SLC25A26: variants seen among roughly 807,000 people sequenced by gnomAD.
SLC25A26 encodes the protein mitochondrial S-adenosylmethionine carrier protein.
A neutral mutation model predicts 37.8 loss-of-function variants in SLC25A26; 36 were observed. That is an observed-to-expected ratio of 0.95 (90% CI 0.73 to 1.26). The LOEUF (loss-of-function observed/expected upper bound fraction) is 1.26, where lower values mean the gene tolerates loss of function less well. SLC25A26 is among the 50% of genes most tolerant of loss of function. The pLI is 0.00. For missense variants in SLC25A26, 390 were observed against 331.1 expected (o/e 1.18, Z -1.38); for synonymous variants, 129 against 122.5 (o/e 1.05, Z -0.35).
chr3:66,194,244 T>C (rs1332721991), intron 1 of SLC25A26, among the ~76,000 whole-genome samples: 4 of 152,180 alleles, frequency 2.6e-5, no homozygotes, highest in African/African-American at 9.7e-5. Flanking sequence ...GTTTTGCTCA[T>C]TGTGTATTTA....
intron 5 of SLC25A26, chr3:66,304,483 G>A (rs1362057755): frequency 2.2e-6 from 1 of 455,884 alleles, no homozygotes; most frequent in South Asian, 1.5e-5. Context: ...GTGTGGGGAG[G>A]CTTGTGAGCT....
intron 5 of SLC25A26, among the ~76,000 whole-genome samples, chr3:66,339,765 T>C (rs1383443436): frequency 1.3e-5 from 2 of 152,160 alleles, no homozygotes; most frequent in Non-Finnish European, 2.9e-5. Flanking sequence ...ATTAACCCCT[T>C]ATCAGATACA....
chr3:66,250,859 A>G (rs2073057211), intron 3 of SLC25A26, among the ~76,000 whole-genome samples: 6 of 152,206 alleles, frequency 3.9e-5, no homozygotes, highest in Non-Finnish European at 8.8e-5. Flanking sequence ...TATTTAAGGT[A>G]TCAACACAAT....
At chr3:66,359,908 A>G in intron 6 of SLC25A26, among the ~76,000 whole-genome samples, 1 of 152,208 alleles carries the variant, frequency 6.6e-6, no homozygotes, top group South Asian at 2.1e-4. Context: ...ATAAATACCT[A>G]TTTGATAGCT....
chr3:66,290,377 A>G (rs2074664384), intron 5 of SLC25A26, among the ~76,000 whole-genome samples: 1 of 152,198 alleles, frequency 6.6e-6, no homozygotes. Context: ...GAGAGAGGGC[A>G]TCTTTGTCTT....
intron 9 of SLC25A26, among the ~76,000 whole-genome samples, chr3:66,371,822 G>C (rs7618284): frequency 0.38 from 57,519 of 152,022 alleles, 11,545 homozygotes; most frequent in East Asian, 0.65. Context: ...TAGGGGCCGG[G>C]TGCGGGGCTC....
intron 1 of SLC25A26, among the ~76,000 whole-genome samples, chr3:66,196,457 A>C (rs1278362876): frequency 2.0e-5 from 3 of 152,194 alleles, no homozygotes; most frequent in Non-Finnish European, 2.9e-5. Context: ...GGCGTCAGAA[A>C]GTACCTGTTA....
At chr3:66,336,242 C>T (rs2076090425) in intron 5 of SLC25A26, among the ~76,000 whole-genome samples, 1 of 152,116 alleles carries the variant, frequency 6.6e-6, no homozygotes, top group African/African-American at 2.4e-5. Flanking sequence ...TTAACAAGGA[C>T]ATTTGATAGA....
At chr3:66,136,672 C>T (rs892787006) in intron 1 of SLC25A26, among the ~76,000 whole-genome samples, 1 of 152,294 alleles carries the variant, frequency 6.6e-6, no homozygotes, top group African/African-American at 2.4e-5. Flanking sequence ...GGCTTTCAGC[C>T]GCTAGGTTTC....
chr3:66,143,675 G>C (rs543529521), intron 1 of SLC25A26, among the ~76,000 whole-genome samples: 2 of 152,252 alleles, frequency 1.3e-5, no homozygotes, highest in African/African-American at 4.8e-5. Context: ...CTTGAGACCA[G>C]GAGTTCGAGA....
chr3:66,377,053 T>C (rs766781125), intron 9 of SLC25A26, among the ~76,000 whole-genome samples: 1 of 152,048 alleles, frequency 6.6e-6, no homozygotes, highest in Admixed American at 6.5e-5. Context: ...TGAGTAGGTA[T>C]GGGGAGGGGG....
chr3:66,321,292 CT>C (rs2075687056), intron 5 of SLC25A26, among the ~76,000 whole-genome samples: 1 of 152,178 alleles, frequency 6.6e-6, no homozygotes, highest in Non-Finnish European at 1.5e-5. Context: ...TTAAACCGTT[CT>C]CTGTATTTAG....
chr3:66,287,321 C>G (rs1214613473), intron 5 of SLC25A26, among the ~76,000 whole-genome samples: 1 of 151,372 alleles, frequency 6.6e-6, no homozygotes, highest in Non-Finnish European at 1.5e-5. Context: ...AAATCTCAAA[C>G]TGTTTTCTGT....
intron 5 of SLC25A26, among the ~76,000 whole-genome samples, chr3:66,315,569 G>T (rs1406616386): frequency 6.6e-6 from 1 of 152,126 alleles, no homozygotes; most frequent in Non-Finnish European, 1.5e-5. Flanking sequence ...GTGCCATGTG[G>T]CACCGAGAAG....
At chr3:66,283,741 A>G (rs941610844) in intron 5 of SLC25A26, among the ~76,000 whole-genome samples, 1 of 152,214 alleles carries the variant, frequency 6.6e-6, no homozygotes, top group Admixed American at 6.5e-5. Flanking sequence ...TGACTCTTGA[A>G]TCACAAAAGT....
intron 1 of SLC25A26, among the ~76,000 whole-genome samples, chr3:66,184,334 C>T (rs1003672395): frequency 1.3e-5 from 2 of 152,082 alleles, no homozygotes; most frequent in African/African-American, 4.8e-5. Context: ...CCCTTACCCT[C>T]ACCCTGATAT....
Position 66,236,831 on chromosome 3 carries a change from GT to G in SLC25A26, c.190+132del, listed in dbSNP as rs1576680777. On this transcript the variant is annotated intron_variant, in intron 2 of 9. Coordinates refer to ENST00000354883, the MANE Select transcript of SLC25A26 (RefSeq NM_001379210.1). ...TCTGAATTTCCTTCTTTAACCTGGT[GT>G]CATTATTATTTTTTATTTATTTTAG... 3.7e-5 allele frequency: 24 copies of G among 647,400 alleles called. No individual in the cohort carries two copies. The East Asian group carries it at 7.4e-4, about 20-fold the overall frequency. 40.1% of individuals were successfully genotyped at this position (647,400 alleles called of 1,614,324 possible).
At chr3:66,216,415 G>A (rs1208068046), upstream of SLC25A26, among the ~76,000 whole-genome samples, 4 of 152,208 alleles carry the variant, frequency 2.6e-5, no homozygotes, top group Admixed American at 2.6e-4. Flanking sequence ...GAGGAGCTGA[G>A]GCAGGAAGAT....
intron 1 of SLC25A26, among the ~76,000 whole-genome samples, chr3:66,197,385 A>G (rs2071059238): frequency 6.6e-6 from 1 of 152,158 alleles, no homozygotes; most frequent in South Asian, 2.1e-4. Context: ...AGTAAGTTTC[A>G]ATATAAGGAT....
Sources: gnomAD v4.1 joint callset for allele counts (sites outside exome capture counted in the v4.1 genomes callset) on GRCh38, gnomAD v4.1.1 for gene constraint, MANE v1.5 for transcripts, NCBI Gene and HGNC (gene_info 2026-07-23, HGNC 2026-07-21) for gene names.